The following SHROOM3 variants were observed in gnomAD, a reference collection of about 807,000 sequenced individuals.
The protein encoded by SHROOM3 is protein Shroom3.
SHROOM3 carries 47 observed loss-of-function variants against 138.6 expected under a neutral mutation model. The observed-to-expected ratio is 0.34, with a 90% confidence interval of 0.27 to 0.43. The LOEUF (loss-of-function observed/expected upper bound fraction) is 0.43, where lower values mean the gene tolerates loss of function less well. Among genes scored for constraint, SHROOM3 ranks in the 20% least tolerant of loss-of-function variants. SHROOM3 has a pLI of 1.00. For missense variants in SHROOM3, 2,491 were observed against 2,596.5 expected (o/e 0.96, Z 0.88); for synonymous variants, 1,062 against 1,063.3 (o/e 1.00, Z 0.02).
At chr4:76,508,032 A>G (rs1349270145) in intron 1 of SHROOM3, among the ~76,000 whole-genome samples, 1 of 152,218 alleles carries the variant, frequency 6.6e-6, no homozygotes, top group South Asian at 2.1e-4. Context: ...TATTCTCTTT[A>G]TGTTGTCATT....
intron 2 of SHROOM3, among the ~76,000 whole-genome samples, chr4:76,683,394 A>G (rs1371662229): frequency 1.3e-5 from 2 of 152,044 alleles, no homozygotes; most frequent in Non-Finnish European, 2.9e-5. Flanking sequence ...ATTCTCATTC[A>G]TAGAAGTTTG....
intron 2 of SHROOM3, among the ~76,000 whole-genome samples, chr4:76,699,039 A>C (rs1300340953): frequency 6.6e-6 from 1 of 152,156 alleles, no homozygotes; most frequent in Non-Finnish European, 1.5e-5. Flanking sequence ...CATCTCCCTT[A>C]TGCAGGCCAT....
intron 1 of SHROOM3, among the ~76,000 whole-genome samples, chr4:76,472,718 A>G (rs72657872): frequency 1.4e-3 from 214 of 151,262 alleles, no homozygotes; most frequent in Non-Finnish European, 2.4e-3. Flanking sequence ...TTTTGTGATA[A>G]GAGTCTCCCT....
chr4:76,612,131 T>G, intron 2 of SHROOM3, among the ~76,000 whole-genome samples: 1 of 152,280 alleles, frequency 6.6e-6, no homozygotes, highest in South Asian at 2.1e-4. Flanking sequence ...GCCTTTTGAT[T>G]TGGAGGTATA....
At position 76,775,807 on chromosome 4, in the gene SHROOM3, C is replaced by CTA. The variant is rs57019823; in HGVS notation, c.5623-2993_5623-2992dup. Among the ~76,000 whole-genome samples the CTA allele has an allele frequency of 4.5e-3, 677 of 150,452 alleles. 6 individuals carry two copies. The highest frequency in any genetic ancestry group is 0.015 in the African/African-American group (624 of 40,860). On this transcript the variant is annotated intron_variant, in intron 10 of 10. Transcript: ENST00000296043. ...ATATACACATATATATACACACATACTATATATATACACACACACACACAC... is the reference window on the plus strand; with the variant it reads ...ATATACACATATATATACACACATACTATATATATATACACACACACACACAC...
At chr4:76,719,110 C>A (rs1720462324) in intron 3 of SHROOM3, among the ~76,000 whole-genome samples, 4 of 152,126 alleles carry the variant, frequency 2.6e-5, no homozygotes, top group African/African-American at 9.7e-5. Flanking sequence ...TCCCAGACAT[C>A]TTCTCCCTAA....
At chr4:76,578,526 T>C (rs996429082) in intron 2 of SHROOM3, among the ~76,000 whole-genome samples, 3 of 152,218 alleles carry the variant, frequency 2.0e-5, no homozygotes, top group South Asian at 4.1e-4. Flanking sequence ...ACCTTACTTA[T>C]TTGAACACAG....
At chr4:76,445,164 A>G (rs547964556) in intron 1 of SHROOM3, among the ~76,000 whole-genome samples, 1 of 152,050 alleles carries the variant, frequency 6.6e-6, no homozygotes, top group East Asian at 1.9e-4. Flanking sequence ...AGTATAAGCT[A>G]TGCAATAGTG....
At chr4:76,527,850 A>G (rs1324835479) in intron 1 of SHROOM3, among the ~76,000 whole-genome samples, 1 of 152,188 alleles carries the variant, frequency 6.6e-6, no homozygotes, top group African/African-American at 2.4e-5. Context: ...CCTGCTGGCC[A>G]GAGAAATGTC....
intron 1 of SHROOM3, among the ~76,000 whole-genome samples, chr4:76,471,028 A>C (rs1276135669): frequency 2.6e-5 from 4 of 152,102 alleles, no homozygotes; most frequent in Non-Finnish European, 4.4e-5. Context: ...TTGTGAGGAA[A>C]GGCATGCATA....
chr4:76,728,919 C>T (rs867246655), intron 3 of SHROOM3, among the ~76,000 whole-genome samples: 8 of 152,126 alleles, frequency 5.3e-5, no homozygotes, highest in African/African-American at 9.7e-5. Flanking sequence ...CGGGGCTGGG[C>T]GCCTCATCAG....
intron 1 of SHROOM3, among the ~76,000 whole-genome samples, chr4:76,460,395 G>A (rs183902168): frequency 1.6e-4 from 25 of 152,178 alleles, no homozygotes; most frequent in Admixed American, 3.9e-4. Flanking sequence ...CACTACCACC[G>A]TTGCGACCTT....
At chr4:76,492,720 T>C (rs1025933255) in intron 1 of SHROOM3, among the ~76,000 whole-genome samples, 1 of 152,100 alleles carries the variant, frequency 6.6e-6, no homozygotes, top group Non-Finnish European at 1.5e-5. Context: ...AAATCATGCA[T>C]GAGATCCTAT....
chr4:76,608,678 C>CAGCAT (rs1734694257), intron 2 of SHROOM3, among the ~76,000 whole-genome samples: 2 of 37,872 alleles, frequency 5.3e-5, no homozygotes, highest in African/African-American at 1.3e-4. Context: ...CAGCATAGCA[C>CAGCAT]AGCACAGCAC....
intron 3 of SHROOM3, among the ~76,000 whole-genome samples, chr4:76,727,967 G>C (rs1368970098): frequency 6.6e-6 from 1 of 151,198 alleles, no homozygotes; most frequent in Admixed American, 6.6e-5. Context: ...CAGCCTGGCT[G>C]ACATGGTGAA....
chr4:76,632,171 G>A (rs1577934815), intron 2 of SHROOM3, among the ~76,000 whole-genome samples: 1 of 152,102 alleles, frequency 6.6e-6, no homozygotes, highest in African/African-American at 2.4e-5. Flanking sequence ...TCTGACATCC[G>A]GGCAGGTAAT....
intron 2 of SHROOM3, among the ~76,000 whole-genome samples, chr4:76,560,290 A>G (rs1733573319): frequency 2.0e-5 from 3 of 152,248 alleles, no homozygotes; most frequent in African/African-American, 7.2e-5. Context: ...TGCGTTTAGT[A>G]TAAGGAATGC....
intron 1 of SHROOM3, among the ~76,000 whole-genome samples, chr4:76,524,287 G>T (rs1227484998): frequency 6.6e-6 from 1 of 152,188 alleles, no homozygotes; most frequent in Non-Finnish European, 1.5e-5. Context: ...ATGGGAAAGA[G>T]CCCTATTTCT....
At chr4:76,537,036 C>T (rs1022981047) in intron 1 of SHROOM3, among the ~76,000 whole-genome samples, 9 of 152,070 alleles carry the variant, frequency 5.9e-5, no homozygotes, top group African/African-American at 1.9e-4. Context: ...TCACTTGAAC[C>T]CGAGAGCCAG....
Sources: allele counts gnomAD v4.1 joint callset (sites outside exome capture counted in the v4.1 genomes callset), GRCh38; gene constraint gnomAD v4.1.1; transcripts MANE v1.5; gene names NCBI Gene and HGNC (gene_info 2026-07-23, HGNC 2026-07-21).